Variants in MTERF4 observed in about 807,000 individuals in gnomAD.
MTERF4 encodes transcription termination factor 4, mitochondrial.
A neutral mutation model predicts 22.5 loss-of-function variants in MTERF4; 17 were observed. The ratio of observed to expected loss-of-function variants is 0.75; its 90% CI spans 0.52 to 1.13. The LOEUF (loss-of-function observed/expected upper bound fraction) is 1.13, where lower values mean the gene tolerates loss of function less well. Ranked by LOEUF, MTERF4 falls within the 50% of genes most tolerant of loss-of-function variation. The probability of loss-of-function intolerance (pLI) is 0.00; values close to 1 mark genes in which losing one functional copy is unlikely to be tolerated. For missense variants in MTERF4, 420 were observed against 466.8 expected (o/e 0.90, Z 0.92); for synonymous variants, 165 against 175.3 (o/e 0.94, Z 0.47).
At chr2:241,055,286 T>C in the MTERF4 span, among the ~76,000 whole-genome samples, 1 of 152,002 alleles carries the variant, frequency 6.6e-6, no homozygotes, top group Non-Finnish European at 1.5e-5. Context: ...CCACAGAACG[T>C]CAGACAGGAG....
chr2:241,061,839 G>A, the MTERF4 span, among the ~76,000 whole-genome samples: 155 of 144,806 alleles, frequency 1.1e-3, no homozygotes, highest in African/African-American at 3.2e-3. Context: ...GGCAACGAGC[G>A]AAACTCCATC....
the MTERF4 span, chr2:241,064,918 A>G: frequency 5.7e-6 from 9 of 1,586,282 alleles, no homozygotes; most frequent in Non-Finnish European, 7.7e-6. This position sits in a 1 kb window ranked among gnomAD's most constrained non-coding sequence, Gnocchi z 7.0. Flanking sequence ...CCACAGCTGC[A>G]CCTGCAAAGT....
the MTERF4 span, among the ~76,000 whole-genome samples, chr2:241,055,933 C>G: frequency 6.6e-6 from 1 of 152,218 alleles, no homozygotes; most frequent in Non-Finnish European, 1.5e-5. Flanking sequence ...CTAATGATAT[C>G]ACAGGTCAGC....
chr2:241,046,111 C>T, the MTERF4 span, among the ~76,000 whole-genome samples: 408 of 152,164 alleles, frequency 2.7e-3, no homozygotes, highest in African/African-American at 9.2e-3. Context: ...AAAGCCACTA[C>T]GAGGAATCAC....
the MTERF4 span, among the ~76,000 whole-genome samples, chr2:241,050,742 T>G: frequency 6.6e-6 from 1 of 152,188 alleles, no homozygotes; most frequent in Non-Finnish European, 1.5e-5. Context: ...AGGACCACCC[T>G]GAGGCCCTTC....
At chr2:241,065,744 AC>A in the MTERF4 span, 2 of 714,804 alleles carry the variant, frequency 2.8e-6, no homozygotes, top group African/African-American at 1.8e-5. Flanking sequence ...GGTTGGAGGC[AC>A]CGCCCTGCTG....
chr2:241,056,580 A>ATTT, the MTERF4 span, among the ~76,000 whole-genome samples: 4 of 111,224 alleles, frequency 3.6e-5, no homozygotes, highest in Admixed American at 2.2e-4. Flanking sequence ...AATAAGTGAA[A>ATTT]TTTTTTTTTT....
the MTERF4 span, chr2:241,052,336 C>T: frequency 6.4e-7 from 1 of 1,557,940 alleles, no homozygotes; most frequent in Non-Finnish European, 8.7e-7. Context: ...GTGGCCAGGA[C>T]CTTCCTGCAT....
intron 4 of MTERF4, among the ~76,000 whole-genome samples, chr2:241,080,881 G>C (rs1219935097): frequency 6.6e-6 from 1 of 152,242 alleles, no homozygotes; most frequent in African/African-American, 2.4e-5. Context: ...GGGTAGGTGA[G>C]GGAAAGCCTG....
intron 4 of MTERF4, chr2:241,081,908 A>ACTCCCTGTCTGG: frequency 1.3e-6 from 1 of 787,100 alleles, no homozygotes; most frequent in Non-Finnish European, 2.1e-6. Context: ...GAGGTGCCAG[A>ACTCCCTGTCTGG]CAGGGAGTCT....
intron 4 of MTERF4, chr2:241,081,657 C>T: frequency 1.3e-6 from 2 of 1,556,778 alleles, no homozygotes; most frequent in Non-Finnish European, 1.7e-6. Flanking sequence ...TGACTAACCT[C>T]TCGTGACCTC....
At chr2:241,084,118 G>A (rs1165093055), downstream of MTERF4, among the ~76,000 whole-genome samples, 1 of 148,758 alleles carries the variant, frequency 6.7e-6, no homozygotes, top group African/African-American at 2.5e-5. Flanking sequence ...AGTTCAATAT[G>A]ATGGCAGCGT....
downstream of MTERF4, chr2:241,094,114 T>G: frequency 2.8e-6 from 1 of 352,906 alleles, no homozygotes; most frequent in South Asian, 2.2e-5. The surrounding 1 kb of genome is among the most constrained non-coding windows in gnomAD (Gnocchi z 4.3). Flanking sequence ...ATGTCTCATT[T>G]CCAAACAGTT....
At chr2:241,062,085 CAAAAACA>C in the MTERF4 span, among the ~76,000 whole-genome samples, 2 of 152,094 alleles carry the variant, frequency 1.3e-5, no homozygotes, top group Non-Finnish European at 2.9e-5. Flanking sequence ...TCATAAACAA[CAAAAACA>C]TTCACTATTG....
At position 241,096,055 on chromosome 2, in the gene MTERF4, CTCA is replaced by C. The variant is rs750458659; in HGVS notation, c.1086_1088del (p.Asp362del). On this transcript the variant is annotated inframe_deletion, in exon 4 of 4. Coordinates refer to ENST00000391980, the MANE Select transcript of MTERF4 (RefSeq NM_182501.4). This position sits in a 1 kb window ranked among gnomAD's most constrained non-coding sequence, Gnocchi z 5.1. Reference sequence around the variant, plus strand: ...CATTGTCCTCCGCCTCGTCGTCGTCCTCATCATCGTCATCCTCATCATTGTCAT... The same window carrying C: ...CATTGTCCTCCGCCTCGTCGTCGTCCTCATCGTCATCCTCATCATTGTCAT... The C allele has an allele frequency of 1.4e-4, 231 of 1,613,128 alleles. No homozygotes were observed. In the Middle Eastern group the frequency reaches 1.8e-3, roughly 13 times the overall value.
chr2:241,089,085 C>G, downstream of MTERF4: 1 of 459,848 alleles, frequency 2.2e-6, no homozygotes, highest in South Asian at 3.9e-5. Flanking sequence ...CCCACACAAA[C>G]TGCCGAATCT....
intron 2 of MTERF4, among the ~76,000 whole-genome samples, chr2:241,098,241 T>C (rs1293851658): frequency 2.0e-5 from 3 of 152,234 alleles, no homozygotes; most frequent in Non-Finnish European, 2.9e-5. Context: ...TGCTAATTAA[T>C]CACCACCACA....
downstream of MTERF4, among the ~76,000 whole-genome samples, chr2:241,083,071 C>T (rs562861419): frequency 6.6e-6 from 1 of 152,074 alleles, no homozygotes; most frequent in East Asian, 1.9e-4. Flanking sequence ...CAACAGACAG[C>T]AGTGAGAGTG....
At chr2:241,057,998 G>A in the MTERF4 span, among the ~76,000 whole-genome samples, 1 of 152,102 alleles carries the variant, frequency 6.6e-6, no homozygotes. Context: ...AAATATGAAT[G>A]GACTAACTCT....
Sources: gnomAD v4.1 joint callset for allele counts (sites outside exome capture counted in the v4.1 genomes callset) on GRCh38, gnomAD v4.1.1 for gene constraint, Gnocchi (gnomAD v3.1) non-coding constraint, MANE v1.5 for transcripts, NCBI Gene and HGNC (gene_info 2026-07-23, HGNC 2026-07-21) for gene names.